MYOF: variants seen among roughly 807,000 people sequenced by gnomAD.
MYOF encodes fer-1-like 3, myoferlin.
MYOF carries 244 observed loss-of-function variants against 284.2 expected under a neutral mutation model. The ratio of observed to expected loss-of-function variants is 0.86; its 90% CI spans 0.77 to 0.95. The LOEUF is 0.95. Among genes scored for constraint, MYOF ranks in the 40% least tolerant of loss-of-function variants. The probability of loss-of-function intolerance (pLI) is 0.00; values close to 1 mark genes in which losing one functional copy is unlikely to be tolerated. For synonymous variants in MYOF, 904 were observed against 919.7 expected, an observed-to-expected ratio of 0.98 and a Z score of 0.31; for missense variants, 2,496 against 2,560.6, an observed-to-expected ratio of 0.97 and a Z score of 0.54.
intron 43 of MYOF, among the ~76,000 whole-genome samples, 168 bp downstream of exon 43, chr10:93,333,053 C>G (rs986517868): frequency 2.2e-4 from 33 of 152,058 alleles, no homozygotes; most frequent in Non-Finnish European, 7.4e-5. Flanking sequence ...CTGTGAAGTT[C>G]TTTTATTTTG....
intron 1 of MYOF, among the ~76,000 whole-genome samples, chr10:93,471,060 T>C (rs1023857705): frequency 6.6e-6 from 1 of 152,160 alleles, no homozygotes; most frequent in Non-Finnish European, 1.5e-5. Context: ...AAAAAGATGA[T>C]GAAGGTCATA....
At chr10:93,319,080 C>T (rs1192057203) in intron 49 of MYOF, among the ~76,000 whole-genome samples, 20 of 152,160 alleles carry the variant, frequency 1.3e-4, no homozygotes, top group Non-Finnish European at 4.4e-5. Flanking sequence ...CATCCCTGGG[C>T]AACAATGGTT....
At chr10:93,461,027 G>A (rs140323093) in intron 1 of MYOF, among the ~76,000 whole-genome samples, 5 of 152,142 alleles carry the variant, frequency 3.3e-5, no homozygotes, top group Admixed American at 2.0e-4. Flanking sequence ...CCTGGGAGGC[G>A]GAAGTTGCAG....
chr10:93,347,884 C>A, intron 36 of MYOF, 102 bp from the exon 37 acceptor site: 1 of 1,180,676 alleles, frequency 8.5e-7, no homozygotes. Context: ...TGCCACACAG[C>A]CCAGAGGACT....
chr10:93,438,245 T>G (rs2056129749), intron 3 of MYOF, among the ~76,000 whole-genome samples: 1 of 152,142 alleles, frequency 6.6e-6, no homozygotes, highest in Non-Finnish European at 1.5e-5. Flanking sequence ...ATGCTGTATC[T>G]GAGTGGCACC....
chr10:93,381,118 G>C lies in MYOF; in HGVS notation c.1876+101C>G, dbSNP rs184704720. ...ACCTTTTCCTTTCCACTAACCATAGGCTGCGTAGAACAGTGCCAGAGGGAA... is the reference window on the plus strand; with the variant it reads ...ACCTTTTCCTTTCCACTAACCATAGCCTGCGTAGAACAGTGCCAGAGGGAA... On this transcript the variant is annotated intron_variant, in intron 20 of 53. Coordinates refer to ENST00000359263, the MANE Select transcript of MYOF (RefSeq NM_013451.4). 4.0e-6 allele frequency: 5 copies of C among 1,258,712 alleles called. No homozygotes were observed. The Admixed American group carries it at 5.8e-5, about 15-fold the overall frequency. The allele number at this position is 1,258,712 out of a possible 1,614,324, so 78.0% of individuals were successfully genotyped here.
chr10:93,434,696 T>C (rs1384057066), intron 3 of MYOF, among the ~76,000 whole-genome samples: 3 of 152,234 alleles, frequency 2.0e-5, no homozygotes, highest in Non-Finnish European at 4.4e-5. Context: ...AATTATCTTT[T>C]AAGGAAATTT....
At chr10:93,319,670 C>T (rs906636321) in intron 49 of MYOF, among the ~76,000 whole-genome samples, 1 of 152,070 alleles carries the variant, frequency 6.6e-6, no homozygotes. Flanking sequence ...AAGTTGTGCT[C>T]CTCATGCTTC....
chr10:93,437,048 T>TCTTCAAAG (rs1170985952), intron 3 of MYOF, among the ~76,000 whole-genome samples: 1 of 152,176 alleles, frequency 6.6e-6, no homozygotes, highest in African/African-American at 2.4e-5. Flanking sequence ...ACTGCAGATG[T>TCTTCAAAG]CTTCAAAGTG....
At chr10:93,400,990 T>C (rs1441703121) in intron 12 of MYOF, among the ~76,000 whole-genome samples, 1 of 151,766 alleles carries the variant, frequency 6.6e-6, no homozygotes, top group Non-Finnish European at 1.5e-5. Flanking sequence ...GTAGCTGGGA[T>C]TATAGGCACC....
chr10:93,335,204 G>C (rs1361541876), intron 41 of MYOF, among the ~76,000 whole-genome samples: 3 of 152,162 alleles, frequency 2.0e-5, no homozygotes, highest in Admixed American at 6.5e-5. Flanking sequence ...GGCACCCAGG[G>C]AAGGAAGAAG....
At chr10:93,416,395 G>A (rs1297190417) in intron 5 of MYOF, among the ~76,000 whole-genome samples, 1 of 151,782 alleles carries the variant, frequency 6.6e-6, no homozygotes, top group Non-Finnish European at 1.5e-5. Flanking sequence ...GTGGTGGCAG[G>A]CGCCTGTAAT....
intron 16 of MYOF, among the ~76,000 whole-genome samples, 193 bp from the exon 17 acceptor site, chr10:93,393,148 G>T (rs910812504): frequency 6.6e-6 from 1 of 152,064 alleles, no homozygotes; most frequent in African/African-American, 2.4e-5. Flanking sequence ...AAAATGACCC[G>T]GGCAGAACCA....
chr10:93,347,886 C>G, intron 36 of MYOF, 104 bp from the exon 37 acceptor site: 1 of 1,172,064 alleles, frequency 8.5e-7, no homozygotes, highest in South Asian at 1.6e-5. Flanking sequence ...CCACACAGCC[C>G]AGAGGACTCG....
intron 40 of MYOF, among the ~76,000 whole-genome samples, chr10:93,337,091 A>T (rs982454278): frequency 6.6e-6 from 1 of 151,198 alleles, no homozygotes; most frequent in Non-Finnish European, 1.5e-5. Flanking sequence ...GTATTTCTTA[A>T]GCTACACTGA....
At chr10:93,324,793 T>C (rs1384662701) in intron 46 of MYOF, among the ~76,000 whole-genome samples, 4 of 152,066 alleles carry the variant, frequency 2.6e-5, no homozygotes, top group Non-Finnish European at 2.9e-5. Context: ...TTTCTTTTTT[T>C]TTGTGAGACA....
chr10:93,396,082 T>A, intron 16 of MYOF, 60 bp downstream of exon 16: 1 of 1,379,742 alleles, frequency 7.2e-7, no homozygotes, highest in Non-Finnish European at 1.0e-6. Flanking sequence ...GTTCATTTTT[T>A]TCTCAGACTG....
At chr10:93,340,977 G>T (rs1843877043) in intron 38 of MYOF, among the ~76,000 whole-genome samples, 1 of 152,154 alleles carries the variant, frequency 6.6e-6, no homozygotes, top group Admixed American at 6.5e-5. Context: ...GTTGCCATGT[G>T]AGAGGCCATG....
intron 25 of MYOF, among the ~76,000 whole-genome samples, chr10:93,367,813 C>T (rs1030272890): frequency 6.6e-6 from 1 of 151,050 alleles, no homozygotes; most frequent in Non-Finnish European, 1.5e-5. Context: ...CCAGAAATCT[C>T]GGGGGTGGGG....
Sources: allele counts gnomAD v4.1 joint callset (sites outside exome capture counted in the v4.1 genomes callset), GRCh38; gene constraint gnomAD v4.1.1; transcripts MANE v1.5; gene names NCBI Gene and HGNC (gene_info 2026-07-23, HGNC 2026-07-21).